Variants in CCDC57 observed in about 807,000 individuals in gnomAD.
CCDC57 encodes coiled-coil domain-containing protein 57.
A neutral mutation model predicts 118.9 loss-of-function variants in CCDC57; 118 were observed. That is an observed-to-expected ratio of 0.99 (90% CI 0.86 to 1.16). The LOEUF is 1.16. CCDC57 is among the 50% of genes most tolerant of loss of function. The probability of loss-of-function intolerance (pLI) is 0.00; values close to 1 mark genes in which losing one functional copy is unlikely to be tolerated. For synonymous variants in CCDC57, 527 were observed against 532.9 expected (o/e 0.99, Z 0.15); for missense variants, 1,300 against 1,320.7 (o/e 0.98, Z 0.24).
At chr17:82,136,706 T>C (rs1308587688) in intron 16 of CCDC57, among the ~76,000 whole-genome samples, 1 of 151,604 alleles carries the variant, frequency 6.6e-6, no homozygotes, top group Non-Finnish European at 1.5e-5. Context: ...CAAGCGATCC[T>C]CCCACCTCAG....
chr17:82,168,632 G>A (rs538126309), intron 13 of CCDC57, among the ~76,000 whole-genome samples: 2 of 152,164 alleles, frequency 1.3e-5, no homozygotes, highest in East Asian at 3.9e-4. Context: ...AAAGAGAGAG[G>A]TAGGTAAAAA....
At chr17:82,164,241 C>T (rs1264530038) in intron 13 of CCDC57, among the ~76,000 whole-genome samples, 5 of 151,628 alleles carry the variant, frequency 3.3e-5, no homozygotes, top group African/African-American at 4.9e-5. Context: ...ATTAGCCAGG[C>T]GTGGTGGTGC....
In CCDC57 at chr17:82,195,276, GA is replaced by G; in HGVS notation, c.604del (p.Ser202ProfsTer16). The stretch of plus-strand genomic sequence containing the variant: ...GCCCCCAGTTACCTTAAGCTCCCGG[GA>G]CAAGGCTGTGTTGCTCATGTTGTCA... On this transcript the variant is annotated frameshift_variant, in exon 5 of 20. Transcript: ENST00000665763. LOFTEE classifies it high-confidence loss of function. 6.3e-7 allele frequency: 1 copy of G among 1,595,380 alleles called. No individual in the cohort carries two copies. The highest frequency in any genetic ancestry group is 8.5e-7 in the Non-Finnish European group (1 of 1,171,230).
rs149087996 is a variant in CCDC57 at position 82,163,030 on chromosome 17, C to T, written c.2040+170G>A. 9.0e-3 allele frequency among the ~76,000 whole-genome samples: 1,368 copies of T among 152,310 alleles called. 17 individuals carry two copies. Among genetic ancestry groups the T allele is most frequent in the African/African-American group, 0.032 (1,313 of 41,566 alleles). ...TTCCACGAGCACACCTGAGATGAAC[C>T]GGTTCCTAGGACCTCCCCACAGCCC... On this transcript the variant is annotated intron_variant, in intron 14 of 19. Transcript: ENST00000665763.
rs116174222 is a variant in CCDC57 at position 82,123,333 on chromosome 17, T to C, written c.2899+4359A>G. Among the ~76,000 whole-genome samples, 1,419 of 149,114 alleles carry C rather than the reference T, an allele frequency of 9.5e-3. 33 individuals carry two copies. The highest frequency in any genetic ancestry group is 0.034 in the African/African-American group (1,364 of 40,238). ...TTTTTGAGATGATGTCTCACTACAT[T>C]GTCCAGGCTGGTGTGGAACCTCTGA... On this transcript the variant is annotated intron_variant, in intron 19 of 19. Coordinates refer to ENST00000665763, the Ensembl canonical transcript of CCDC57.
At chr17:82,207,959 AC>A (rs2049866152) in exon 2 of CCDC57, 1 of 152,166 alleles carries the variant, frequency 6.6e-6, no homozygotes, top group South Asian at 2.1e-4. Context: ...TCCCTCTCCC[AC>A]CACATTTGAT....
chr17:82,136,595 A>AC lies in CCDC57; in HGVS notation c.2456-2402_2456-2401insG, dbSNP rs1188656924. ...TGTATAGTACCAAAAAAAAAAAAAA[A>AC]AAAAGAAAACTAGTTTTTTTGAGAC... On this transcript the variant is annotated intron_variant, in intron 16 of 19. Coordinates refer to ENST00000665763, the Ensembl canonical transcript of CCDC57. Among the ~76,000 whole-genome samples, 5 of 131,798 alleles carry AC rather than the reference A, an allele frequency of 3.8e-5. No homozygotes were observed. In the East Asian group the frequency reaches 1.7e-3, roughly 44 times the overall value. The allele number at this position is 131,798 out of a possible 152,430, so 86.5% of individuals were successfully genotyped here.
chr17:82,190,786 T>C (rs2047579019), intron 7 of CCDC57, among the ~76,000 whole-genome samples: 1 of 150,756 alleles, frequency 6.6e-6, no homozygotes, highest in Non-Finnish European at 1.5e-5. Context: ...GGTGTTGACG[T>C]CGTCTGCTTG....
chr17:82,159,872 T>C (rs1440144348), intron 14 of CCDC57, among the ~76,000 whole-genome samples: 1 of 152,014 alleles, frequency 6.6e-6, no homozygotes, highest in Non-Finnish European at 1.5e-5. Context: ...GAGTTCATCA[T>C]GTTGGCCAAG....
At chr17:82,152,812 T>C (rs2042219010) in intron 15 of CCDC57, among the ~76,000 whole-genome samples, 1 of 152,206 alleles carries the variant, frequency 6.6e-6, no homozygotes, top group African/African-American at 2.4e-5. Context: ...GCCTTCCAGG[T>C]GCTGCTGTTC....
At chr17:82,200,742 G>A (rs1347727895) in intron 3 of CCDC57, among the ~76,000 whole-genome samples, 3 of 151,966 alleles carry the variant, frequency 2.0e-5, no homozygotes, top group East Asian at 1.9e-4. Flanking sequence ...GCAGCGAGCC[G>A]AGATCACGCT....
intron 11 of CCDC57, among the ~76,000 whole-genome samples, chr17:82,174,471 C>T (rs570690005): frequency 3.3e-5 from 5 of 152,330 alleles, no homozygotes; most frequent in East Asian, 3.9e-4. Context: ...CTGGGAAAGC[C>T]GGACAAACTC....
intron 16 of CCDC57, among the ~76,000 whole-genome samples, chr17:82,146,215 G>A (rs936988052): frequency 6.6e-6 from 1 of 152,164 alleles, no homozygotes; most frequent in East Asian, 1.9e-4. Flanking sequence ...GTCCCACGTT[G>A]AATAATGATG....
chr17:82,204,649 G>C (rs951681814), intron 2 of CCDC57, among the ~76,000 whole-genome samples: 1 of 152,160 alleles, frequency 6.6e-6, no homozygotes, highest in Non-Finnish European at 1.5e-5. Context: ...TGGGCGTGGT[G>C]GTGGGCGCCT....
intron 7 of CCDC57, among the ~76,000 whole-genome samples, 191 bp from the exon 7 acceptor site, chr17:82,188,610 G>T (rs918705662): frequency 6.6e-6 from 1 of 152,196 alleles, no homozygotes; most frequent in African/African-American, 2.4e-5. Flanking sequence ...GCCACTTTTC[G>T]ATGCCAGGCC....
At chr17:82,162,206 C>T (rs2043424909) in intron 14 of CCDC57, among the ~76,000 whole-genome samples, 1 of 152,106 alleles carries the variant, frequency 6.6e-6, no homozygotes, top group African/African-American at 2.4e-5. Context: ...ACCATGTTGG[C>T]CAGGCTGGTC....
chr17:82,116,100 AC>A (rs1439650999), intron 19 of CCDC57, among the ~76,000 whole-genome samples: 2 of 102,158 alleles, frequency 2.0e-5, no homozygotes, highest in East Asian at 2.1e-4. Context: ...CCCGGCCACA[AC>A]CTTTTTTTTT....
intron 15 of CCDC57, among the ~76,000 whole-genome samples, chr17:82,153,118 T>C (rs567131833): frequency 1.3e-5 from 2 of 152,106 alleles, no homozygotes; most frequent in Non-Finnish European, 2.9e-5. Flanking sequence ...AGAGGCTCAC[T>C]CACCACCCTG....
At chr17:82,168,261 C>T (rs145587208) in intron 13 of CCDC57, among the ~76,000 whole-genome samples, 25 of 152,358 alleles carry the variant, frequency 1.6e-4, no homozygotes, top group Middle Eastern at 3.4e-3. Context: ...TCACTGTCCC[C>T]TGTGGGCTGT....
Sources: gnomAD v4.1 joint callset for allele counts (sites outside exome capture counted in the v4.1 genomes callset) on GRCh38, gnomAD v4.1.1 for gene constraint, MANE v1.5 for transcripts, NCBI Gene and HGNC (gene_info 2026-07-23, HGNC 2026-07-21) for gene names.